PPP2R1A: variants seen among roughly 807,000 people sequenced by gnomAD.
The protein encoded by PPP2R1A is serine/threonine-protein phosphatase 2A 65 kDa regulatory subunit A alpha isoform.
Under a neutral mutation model 67.1 loss-of-function variants are expected in PPP2R1A, and 15 were observed. The observed-to-expected ratio is 0.22, with a 90% CI of 0.15 to 0.34. The LOEUF is 0.34. Ranked by LOEUF, PPP2R1A falls within the 10% of genes least tolerant of loss-of-function variation. The probability of loss-of-function intolerance (pLI) is 1.00; values close to 1 mark genes in which losing one functional copy is unlikely to be tolerated. For missense variants in PPP2R1A, 369 were observed against 775.0 expected (o/e 0.48, Z 6.22); for synonymous variants, 337 against 325.0 (o/e 1.04, Z -0.40).
intron 9 of PPP2R1A, among the ~76,000 whole-genome samples, chr19:52,218,200 C>G (rs1473661661): frequency 6.6e-6 from 1 of 152,116 alleles, no homozygotes; most frequent in African/African-American, 2.4e-5. Context: ...TGAGGCTTCC[C>G]AAAAGCCTCA....
chr19:52,204,485 G>A (rs10409432), intron 2 of PPP2R1A, among the ~76,000 whole-genome samples: 2,123 of 152,304 alleles, frequency 0.014, 49 homozygotes, highest in African/African-American at 0.049. Flanking sequence ...CTCAGAAGGA[G>A]CTGCCAACCC....
chr19:52,200,236 A>G (rs184962697), intron 1 of PPP2R1A: 1 of 151,952 alleles, frequency 6.6e-6, no homozygotes, highest in Non-Finnish European at 1.5e-5. Context: ...ATTTCCTCCC[A>G]CTCTCACACT....
chr19:52,201,565 A>T, intron 1 of PPP2R1A: 1 of 185,812 alleles, frequency 5.4e-6, no homozygotes, highest in South Asian at 1.1e-4. Flanking sequence ...CGTGTTATAA[A>T]CGTGGCTGCT....
rs375368808 is a variant in PPP2R1A at position 52,206,098 on chromosome 19, C to G, written c.270+35C>G. ...AGGCAGGAAGTCCTCTTGCCCACCC[C>G]TTAGGGTCGGCCCATGGTCCTGCCG... On this transcript the variant is annotated intron_variant, in intron 3 of 14. Transcript: ENST00000322088. 1.9e-6 allele frequency: 3 copies of G among 1,581,030 alleles called. No homozygotes were observed. The African/African-American group carries it at 4.0e-5, about 21-fold the overall frequency.
At chr19:52,222,494 C>T (rs1978999255) in intron 13 of PPP2R1A, 1 of 394,486 alleles carries the variant, frequency 2.5e-6, no homozygotes, top group African/African-American at 2.1e-5. Flanking sequence ...ATGAAATCAC[C>T]TTATGTTTTA....
intron 1 of PPP2R1A, chr19:52,201,006 A>G (rs988143345): frequency 3.3e-5 from 5 of 150,402 alleles, no homozygotes; most frequent in Non-Finnish European, 5.9e-5. Flanking sequence ...TACGTCTGCA[A>G]AGACTGTTTT....
chr19:52,190,251 C>T lies in PPP2R1A; in HGVS notation c.78+77C>T, dbSNP rs561415115. ...ACGGGCGGCCCTCGCGGAGAAGACT[C>T]AGCGTTCGCTGGGAGTGGCGGAAGG... On this transcript the variant is annotated intron_variant, in intron 1 of 14. Coordinates refer to ENST00000322088, the MANE Select transcript of PPP2R1A (RefSeq NM_014225.6). 61 of 1,488,254 alleles carry T rather than the reference C, an allele frequency of 4.1e-5. No homozygotes were observed. The African/African-American group carries it at 7.3e-4, about 18-fold the overall frequency. 92.2% of individuals were successfully genotyped at this position (1,488,254 alleles called of 1,614,324 possible).
At position 52,201,936 on chromosome 19, in the gene PPP2R1A, C is replaced by T. The variant is rs1472701011; in HGVS notation, c.79-8C>T. ...CATTCTCCCCTCCTCTTCTTGTTCT[C>T]TCATTAGCTTCGCCTCAACAGCATC... On this transcript the variant is annotated splice_polypyrimidine_tract_variant and splice_region_variant and intron_variant, in intron 1 of 14. Coordinates refer to ENST00000322088, the MANE Select transcript of PPP2R1A (RefSeq NM_014225.6). The T allele has an allele frequency of 6.2e-7, 1 of 1,613,636 alleles. No homozygotes were observed. The highest frequency in any genetic ancestry group is 8.5e-7 in the Non-Finnish European group (1 of 1,179,612).
rs1483936874 is a variant in PPP2R1A, at chr19:52,228,890, A to G, written c.*2909A>G. The G allele has an allele frequency of 6.6e-6, 1 of 152,216 alleles. No homozygotes were observed. The highest frequency in any genetic ancestry group is 2.4e-5 in the African/African-American group (1 of 41,442). The allele number at this position is 152,216 out of a possible 1,614,324, so 9.4% of individuals were successfully genotyped here. A position where few individuals can be genotyped will look rare whatever the true frequency, so the allele number is the denominator to read the frequency against. The stretch of plus-strand genomic sequence containing the variant: ...GTCGAGTCACTTGTTGCCTTTGGCT[A>G]ATGCATAGGGGCACGAGTAGAGCTC... On this transcript the variant is annotated 3_prime_UTR_variant, in exon 15 of 15. Transcript: ENST00000322088.
Position 52,217,830 on chromosome 19 carries a change from G to A in PPP2R1A, c.1128+1167G>A, listed in dbSNP as rs542056608. 2.2e-4 allele frequency among the ~76,000 whole-genome samples: 34 copies of A among 152,230 alleles called. 2 individuals carry two copies. The highest frequency in any genetic ancestry group is 1.6e-3 in the Admixed American group (24 of 15,294). On this transcript the variant is annotated intron_variant, in intron 9 of 14. Coordinates refer to ENST00000322088, the MANE Select transcript of PPP2R1A (RefSeq NM_014225.6). The stretch of plus-strand genomic sequence containing the variant: ...AGGATGAGAGGCGGTGCTGGGTGAT[G>A]ACTGGAGAGATCATCAGGGTGACCA...
chr19:52,199,801 A>G (rs375112785), intron 1 of PPP2R1A, among the ~76,000 whole-genome samples: 151 of 152,276 alleles, frequency 9.9e-4, no homozygotes, highest in African/African-American at 3.3e-3. Context: ...AGTGTTTGCT[A>G]TATTAGTTTT....
chr19:52,209,610 C>T (rs8105792), intron 3 of PPP2R1A, among the ~76,000 whole-genome samples: 1 of 152,046 alleles, frequency 6.6e-6, no homozygotes, highest in Admixed American at 6.5e-5. Context: ...CATTATCACC[C>T]TCCATCTCCA....
Position 52,205,952 on chromosome 19 carries a change from T to C in PPP2R1A, c.170-11T>C. The C allele has an allele frequency of 1.2e-6, 2 of 1,610,288 alleles. No individual in the cohort carries two copies. The highest frequency in any genetic ancestry group is 1.7e-6 in the Non-Finnish European group (2 of 1,176,660). On this transcript the variant is annotated splice_polypyrimidine_tract_variant and intron_variant, in intron 2 of 14. Transcript: ENST00000322088. ...GATGGGATAGTCACGAAGTCTGTCT[T>C]GGTTCCACAGATACCATCTATGATG...
chr19:52,193,964 A>C (rs567858087), intron 1 of PPP2R1A, among the ~76,000 whole-genome samples: 1 of 151,694 alleles, frequency 6.6e-6, no homozygotes, highest in East Asian at 1.9e-4. Context: ...AAAAAAAAAA[A>C]ATTAGCTGGT....
At chr19:52,195,750 A>G (rs1194484327) in intron 1 of PPP2R1A, among the ~76,000 whole-genome samples, 3 of 152,170 alleles carry the variant, frequency 2.0e-5, no homozygotes, top group East Asian at 1.9e-4. Context: ...AGGGTGAGCT[A>G]TGGGGGAAGG....
Position 52,212,892 on chromosome 19 carries a change from AAG to A in PPP2R1A, c.652-59_652-58del. 6.4e-7 allele frequency: 1 copy of A among 1,566,412 alleles called. No homozygotes were observed. Among genetic ancestry groups the A allele is most frequent in the Non-Finnish European group, 8.7e-7 (1 of 1,154,634 alleles). ...TCCTTCTGGTGGTTCCTGCCCATGA[AAG>A]AGAATCCCAGAGCTCAGCAAGGCCT... On this transcript the variant is annotated intron_variant, in intron 5 of 14. Coordinates refer to ENST00000322088, the MANE Select transcript of PPP2R1A (RefSeq NM_014225.6). This position sits in a 1 kb window ranked among gnomAD's most constrained non-coding sequence, Gnocchi z 4.1.
chr19:52,211,737 C>T lies in PPP2R1A; in HGVS notation c.503+245C>T. 1 of 558,126 alleles carries T rather than the reference C, an allele frequency of 1.8e-6. No individual in the cohort carries two copies. The highest frequency in any genetic ancestry group is 3.0e-5 in the East Asian group (1 of 33,876). 34.6% of individuals were successfully genotyped at this position (558,126 alleles called of 1,614,324 possible). A position where few individuals can be genotyped will look rare whatever the true frequency, so the allele number is the denominator to read the frequency against. On this transcript the variant is annotated intron_variant, in intron 4 of 14. Transcript: ENST00000322088. This position sits in a 1 kb window ranked among gnomAD's most constrained non-coding sequence, Gnocchi z 5.3. Reference sequence around the variant, plus strand: ...TGAGATGATGACAGGTCCTCCTTCCCACTGGTTAATGTGAGGATTTAAAAG... The same window carrying T: ...TGAGATGATGACAGGTCCTCCTTCCTACTGGTTAATGTGAGGATTTAAAAG...
chr19:52,209,262 T>C (rs573601344), intron 3 of PPP2R1A, among the ~76,000 whole-genome samples: 34 of 152,266 alleles, frequency 2.2e-4, no homozygotes, highest in African/African-American at 7.5e-4. Context: ...TTGAGTACCT[T>C]CTCTGTGCCA....
rs77353003 is a variant in PPP2R1A, at chr19:52,212,480, C to G, written c.504-206C>G. 6.8e-3 allele frequency: 4,078 copies of G among 599,780 alleles called. 126 individuals carry two copies. Among genetic ancestry groups the G allele is most frequent in the African/African-American group, 0.067 (3,584 of 53,700 alleles). 37.2% of individuals were successfully genotyped at this position (599,780 alleles called of 1,614,324 possible). The stretch of plus-strand genomic sequence containing the variant: ...CAATCTGCGAAGTGTCTCACACACA[C>G]TATTTTCATTTAAACCTCATGCGGA... On this transcript the variant is annotated intron_variant, in intron 4 of 14. Coordinates refer to ENST00000322088, the MANE Select transcript of PPP2R1A (RefSeq NM_014225.6). This position sits in a 1 kb window ranked among gnomAD's most constrained non-coding sequence, Gnocchi z 4.1.
Sources: allele counts gnomAD v4.1 joint callset (sites outside exome capture counted in the v4.1 genomes callset), GRCh38; gene constraint gnomAD v4.1.1; non-coding constraint Gnocchi (gnomAD v3.1); transcripts MANE v1.5; gene names NCBI Gene and HGNC (gene_info 2026-07-23, HGNC 2026-07-21).